Variants in PTPRD observed in about 807,000 individuals in gnomAD.
PTPRD encodes receptor-type tyrosine-protein phosphatase delta.
A neutral mutation model predicts 214.5 loss-of-function variants in PTPRD; 34 were observed. That is an observed-to-expected ratio of 0.16 (90% CI 0.12 to 0.21). The LOEUF is 0.21. Ranked by LOEUF, PTPRD falls within the 10% of genes least tolerant of loss-of-function variation. PTPRD has a pLI of 1.00. For synonymous variants in PTPRD, 1,128 were observed against 845.7 expected (o/e 1.33, Z -5.79); for missense variants, 2,545 against 2,398.7 (o/e 1.06, Z -1.27).
At chr9:8,684,019 G>C (rs775331440) in intron 12 of PTPRD, among the ~76,000 whole-genome samples, 3 of 152,126 alleles carry the variant, frequency 2.0e-5, no homozygotes, top group East Asian at 3.9e-4. Flanking sequence ...GAGTAGGTAA[G>C]GTCAGAAGAC....
At chr9:9,250,886 T>C (rs964438577) in intron 9 of PTPRD, among the ~76,000 whole-genome samples, 1 of 152,140 alleles carries the variant, frequency 6.6e-6, no homozygotes, top group Non-Finnish European at 1.5e-5. Flanking sequence ...TTATTTGAAT[T>C]CTTTATCTTT....
chr9:8,822,224 T>C (rs1465593054), intron 11 of PTPRD, among the ~76,000 whole-genome samples: 1 of 152,190 alleles, frequency 6.6e-6, no homozygotes. Flanking sequence ...CCCCCAGTGA[T>C]TTAGTATATC....
chr9:9,093,917 T>A (rs1250899264), intron 10 of PTPRD, among the ~76,000 whole-genome samples: 1 of 151,638 alleles, frequency 6.6e-6, no homozygotes, highest in African/African-American at 2.4e-5. Context: ...GATAAACTTC[T>A]AGCCAGAGTG....
chr9:9,555,501 A>ACTT (rs2081300081), intron 8 of PTPRD, among the ~76,000 whole-genome samples: 1 of 152,084 alleles, frequency 6.6e-6, no homozygotes, highest in African/African-American at 2.4e-5. Context: ...CACACACATA[A>ACTT]ACATATACAC....
intron 2 of PTPRD, among the ~76,000 whole-genome samples, chr9:10,453,094 A>G (rs2098858129): frequency 6.6e-6 from 1 of 151,468 alleles, no homozygotes; most frequent in African/African-American, 2.4e-5. Context: ...TCCATTGTAT[A>G]TTCTTTAAGC....
intron 3 of PTPRD, among the ~76,000 whole-genome samples, chr9:10,179,025 T>C (rs1345722449): frequency 6.6e-6 from 1 of 151,830 alleles, no homozygotes; most frequent in Non-Finnish European, 1.5e-5. Flanking sequence ...AACAATCAAA[T>C]AAGAGAGATT....
chr9:10,570,374 G>A (rs1028738231), intron 2 of PTPRD, among the ~76,000 whole-genome samples: 1 of 152,152 alleles, frequency 6.6e-6, no homozygotes, highest in Non-Finnish European at 1.5e-5. Context: ...AGCTGAAATT[G>A]CCAAACAAGA....
intron 14 of PTPRD, among the ~76,000 whole-genome samples, chr9:8,560,000 A>C (rs2085521673): frequency 6.6e-6 from 1 of 152,340 alleles, no homozygotes; most frequent in South Asian, 2.1e-4. Flanking sequence ...CTGTATCATT[A>C]AGAGGAATTT....
At chr9:9,768,356 C>A (rs1444472025) in intron 5 of PTPRD, among the ~76,000 whole-genome samples, 1 of 152,114 alleles carries the variant, frequency 6.6e-6, no homozygotes, top group Non-Finnish European at 1.5e-5. Flanking sequence ...AAACTATTAA[C>A]ATTTGAAAAG....
rs141946645 is a variant in PTPRD at position 10,479,658 on chromosome 9, T to TAAATAAATAAATAAATAAACAAAC, written c.-600+132739_-600+132740insGTTTGTTTATTTATTTATTTATTT. 4.1e-3 allele frequency among the ~76,000 whole-genome samples: 593 copies of TAAATAAATAAATAAATAAACAAAC among 145,884 alleles called. 7 individuals are homozygous for TAAATAAATAAATAAATAAACAAAC. Among genetic ancestry groups the TAAATAAATAAATAAATAAACAAAC allele is most frequent in the Admixed American group, 0.014 (201 of 14,420 alleles). On this transcript the variant is annotated intron_variant, in intron 2 of 45. Transcript: ENST00000381196. The stretch of plus-strand genomic sequence containing the variant: ...ATAAATAAATAAATAAATAAATAAA[T>TAAATAAATAAATAAATAAACAAAC]AAACAAAAATACAAAAATTTGCCAA...
At chr9:9,244,850 A>G (rs1376675477) in intron 9 of PTPRD, among the ~76,000 whole-genome samples, 3 of 152,184 alleles carry the variant, frequency 2.0e-5, no homozygotes, top group African/African-American at 7.2e-5. Context: ...TGAACAGGCA[A>G]CCTACAGAAT....
intron 2 of PTPRD, among the ~76,000 whole-genome samples, chr9:10,439,235 G>A (rs1354164934): frequency 6.6e-6 from 1 of 151,702 alleles, no homozygotes; most frequent in Non-Finnish European, 1.5e-5. Flanking sequence ...GCGTTTGAGA[G>A]TACTTCCCCT....
intron 4 of PTPRD, among the ~76,000 whole-genome samples, chr9:9,955,690 A>AT (rs1439880262): frequency 1.3e-5 from 2 of 151,590 alleles, no homozygotes; most frequent in South Asian, 2.1e-4. Context: ...TGCCCGACTA[A>AT]TTTTTTGTAT....
intron 7 of PTPRD, among the ~76,000 whole-genome samples, chr9:9,661,937 C>T (rs1454990787): frequency 6.6e-6 from 1 of 151,652 alleles, no homozygotes; most frequent in African/African-American, 2.4e-5. Flanking sequence ...ATCATCTGAA[C>T]TCTGAAGTTC....
chr9:10,360,253 C>T (rs1213750402), intron 2 of PTPRD, among the ~76,000 whole-genome samples: 1 of 152,224 alleles, frequency 6.6e-6, no homozygotes, highest in Non-Finnish European at 1.5e-5. Context: ...ATCCTGGCTT[C>T]AGTTTCTTTG....
rs148059096 is a variant in PTPRD, at chr9:9,596,038, T to C, written c.-286-21257A>G. 5.7e-3 allele frequency among the ~76,000 whole-genome samples: 870 copies of C among 152,156 alleles called. 6 individuals carry two copies. The highest frequency in any genetic ancestry group is 9.7e-3 in the Non-Finnish European group (662 of 67,952). ...AAGTTTGTGTGATCTCATGGTTACA[T>C]ATGTCCTTATGCAAGAGTTTGTGTT... On this transcript the variant is annotated intron_variant, in intron 7 of 45. Transcript: ENST00000381196.
At chr9:9,746,692 C>T (rs1349842422) in intron 6 of PTPRD, among the ~76,000 whole-genome samples, 1 of 151,990 alleles carries the variant, frequency 6.6e-6, no homozygotes, top group African/African-American at 2.4e-5. Context: ...ACACAGTAAA[C>T]AAGAACCCAG....
At chr9:9,601,279 C>G (rs765316341) in intron 7 of PTPRD, among the ~76,000 whole-genome samples, 2 of 151,774 alleles carry the variant, frequency 1.3e-5, no homozygotes, top group Non-Finnish European at 2.9e-5. Context: ...AAAGATGAAG[C>G]TTTGTGAGAT....
rs1234061389 is a variant in PTPRD at position 9,265,781 on chromosome 9, A to AAC, written c.-202-82420_-202-82419dup. Reference sequence around the variant, plus strand: ...AAATTATCTAATCAAAAGGAAAGACAACAACAACAATAAAAAAAAATAAAG... The same window carrying AAC: ...AAATTATCTAATCAAAAGGAAAGACAACACAACAACAATAAAAAAAAATAAAG... On this transcript the variant is annotated intron_variant, in intron 9 of 45. Coordinates refer to ENST00000381196, the MANE Select transcript of PTPRD (RefSeq NM_002839.4). Among the ~76,000 whole-genome samples, 3 of 151,446 alleles carry AAC rather than the reference A, an allele frequency of 2.0e-5. No homozygotes were observed. The Admixed American group carries it at 2.0e-4, about 10-fold the overall frequency.
Sources: allele counts gnomAD v4.1 joint callset (sites outside exome capture counted in the v4.1 genomes callset), GRCh38; gene constraint gnomAD v4.1.1; transcripts MANE v1.5; gene names NCBI Gene and HGNC (gene_info 2026-07-23, HGNC 2026-07-21).